DISP1: variants seen among roughly 807,000 people sequenced by gnomAD.
DISP1 encodes dispatched RND transporter family member 1, also known as protein dispatched homolog 1.
In DISP1, 30 loss-of-function variants were observed where a neutral mutation model predicts 37.3. The ratio of observed to expected loss-of-function variants is 0.80; its 90% confidence interval spans 0.60 to 1.09. The LOEUF (loss-of-function observed/expected upper bound fraction) is 1.09. Ranked by LOEUF, DISP1 falls within the 50% of genes least tolerant of loss-of-function variation. The probability of loss-of-function intolerance (pLI) is 0.00; values close to 1 mark genes in which losing one functional copy is unlikely to be tolerated. For missense variants in DISP1, 1,598 were observed against 1,879.5 expected, an observed-to-expected ratio of 0.85 and a Z score of 2.77; for synonymous variants, 634 against 690.2, an observed-to-expected ratio of 0.92 and a Z score of 1.28.
chr1:223,004,115 T>C lies in DISP1; in HGVS notation c.2718T>C (p.Asp906=), dbSNP rs780923401. The C allele has an allele frequency of 1.5e-5, 25 of 1,614,162 alleles. No individual in the cohort carries two copies. Among genetic ancestry groups the C allele is most frequent in the South Asian group, 1.1e-5 (1 of 91,076 alleles). Residue 906 remains aspartate, a synonymous_variant, in exon 9 of 9, where the codon GAT becomes GAC. Coordinates refer to ENST00000675850, the MANE Select transcript of DISP1 (RefSeq NM_001377229.1). The surrounding 1 kb of genome is among the most constrained non-coding windows in gnomAD (Gnocchi z 4.9). ...ELERSTGYHL[D]SKTPGPRFDI... ...AAAGGAGTACAGGGTACCATTTGGATAGCAAAACCCCAGGGCCGAGGTTTG... is the reference window on the plus strand; with the variant it reads ...AAAGGAGTACAGGGTACCATTTGGACAGCAAAACCCCAGGGCCGAGGTTTG...
intron 4 of DISP1, among the ~76,000 whole-genome samples, chr1:222,987,854 A>G (rs1376185507): frequency 1.1e-4 from 16 of 152,170 alleles, no homozygotes; most frequent in Admixed American, 1.0e-3. Context: ...CACAGGGCTG[A>G]TATTTTAATG....
intron 1 of DISP1, among the ~76,000 whole-genome samples, chr1:222,872,806 C>T (rs921247910): frequency 6.6e-6 from 1 of 152,014 alleles, no homozygotes; most frequent in African/African-American, 2.4e-5. Flanking sequence ...TATTTCTTGC[C>T]TTCTGCTAGC....
intron 1 of DISP1, among the ~76,000 whole-genome samples, chr1:222,855,567 C>T (rs965670825): frequency 6.6e-6 from 1 of 152,138 alleles, no homozygotes; most frequent in African/African-American, 2.4e-5. Context: ...TGCCACCATA[C>T]TTCTTAAGTC....
At chr1:222,983,406 C>T (rs944077142) in intron 4 of DISP1, among the ~76,000 whole-genome samples, 2 of 151,998 alleles carry the variant, frequency 1.3e-5, no homozygotes, top group African/African-American at 4.8e-5. Context: ...CACCTGAGGT[C>T]GGGAGTTCGG....
chr1:222,886,448 T>C (rs1670607529), intron 1 of DISP1, among the ~76,000 whole-genome samples: 1 of 152,230 alleles, frequency 6.6e-6, no homozygotes, highest in South Asian at 2.1e-4. Flanking sequence ...GCCAAACTTA[T>C]TTTCAGATAA....
intron 1 of DISP1, among the ~76,000 whole-genome samples, chr1:222,850,011 CTT>C (rs1668133098): frequency 6.6e-6 from 1 of 152,118 alleles, no homozygotes; most frequent in African/African-American, 2.4e-5. Flanking sequence ...TAAATCCTAA[CTT>C]TGTCACTTTC....
intron 3 of DISP1, among the ~76,000 whole-genome samples, chr1:222,982,325 G>A (rs2102696942): frequency 6.6e-6 from 1 of 152,352 alleles, no homozygotes; most frequent in Middle Eastern, 3.4e-3. Context: ...GGAACTCCCA[G>A]CTGTCTTTAG....
chr1:222,846,855 A>G (rs1387574896), intron 1 of DISP1, among the ~76,000 whole-genome samples: 1 of 152,242 alleles, frequency 6.6e-6, no homozygotes, highest in African/African-American at 2.4e-5. Context: ...TAGTGAAAAC[A>G]TTTTTTGTTT....
chr1:222,900,402 G>A (rs1317552245), intron 1 of DISP1, among the ~76,000 whole-genome samples: 4 of 152,160 alleles, frequency 2.6e-5, no homozygotes, highest in Admixed American at 2.6e-4. Context: ...AATTTGGATT[G>A]TCTATGTCAG....
chr1:222,953,215 CAGTAGCT>C (rs1675355338), intron 3 of DISP1, among the ~76,000 whole-genome samples: 1 of 152,138 alleles, frequency 6.6e-6, no homozygotes, highest in Non-Finnish European at 1.5e-5. Flanking sequence ...ATGGGAGTAA[CAGTAGCT>C]ATTTTGCACT....
At chr1:222,983,862 A>T (rs1178622194) in intron 4 of DISP1, among the ~76,000 whole-genome samples, 1 of 152,146 alleles carries the variant, frequency 6.6e-6, no homozygotes, top group Non-Finnish European at 1.5e-5. Flanking sequence ...TTAACTTGAT[A>T]AGAGTTCCTA....
rs1480537105 is a variant in DISP1, at chr1:223,002,861, G to A, written c.1464G>A (p.Glu488=). Residue 488 remains glutamate (E), a synonymous_variant, in exon 9 of 9, where the codon GAG becomes GAA. Transcript: ENST00000675850. ...SDGVTTITGI[E]FGIKHSLFQD... ...GCGTGACTACCATCACCGGGATTGA[G>A]TTTGGTATCAAACACAGTTTGTTTC... The A allele has an allele frequency of 3.7e-6, 6 of 1,613,840 alleles. No homozygotes were observed. Among genetic ancestry groups the A allele is most frequent in the Non-Finnish European group, 5.1e-6 (6 of 1,180,050 alleles).
intron 5 of DISP1, 128 bp from the exon 6 acceptor site, chr1:222,991,392 T>A (rs995836044): frequency 1.8e-6 from 2 of 1,120,824 alleles, no homozygotes; most frequent in African/African-American, 3.1e-5. Context: ...CTGGAGTAGC[T>A]GTGAGGAACA....
intron 1 of DISP1, among the ~76,000 whole-genome samples, chr1:222,872,937 T>G (rs145773937): frequency 0.04 from 6,109 of 152,330 alleles, 137 homozygotes; most frequent in Middle Eastern, 0.088. Flanking sequence ...CTCTACACAC[T>G]GCTTTGAATG....
chr1:222,985,761 G>T (rs888600383), intron 4 of DISP1, among the ~76,000 whole-genome samples: 2 of 152,216 alleles, frequency 1.3e-5, no homozygotes, highest in African/African-American at 4.8e-5. Context: ...CTGAGGGCAA[G>T]ATCCAAGTCT....
intron 1 of DISP1, among the ~76,000 whole-genome samples, chr1:222,840,122 A>G (rs1667499300): frequency 6.6e-6 from 1 of 152,336 alleles, no homozygotes; most frequent in South Asian, 2.1e-4. Flanking sequence ...GAATGGTCAT[A>G]TGGGTACCAA....
chr1:222,886,190 T>C lies in DISP1; in HGVS notation c.-158-42240T>C, dbSNP rs565949713. ...CAAATTCCTTTTATACTTCTACATT[T>C]TTCTGATGCTGATGGCAAAGAGAGG... On this transcript the variant is annotated intron_variant, in intron 1 of 8. Transcript: ENST00000675850. 2.6e-5 allele frequency among the ~76,000 whole-genome samples: 4 copies of C among 152,314 alleles called. No individual in the cohort carries two copies. The East Asian group carries it at 7.7e-4, about 29-fold the overall frequency.
chr1:222,947,025 A>T (rs755741196), intron 3 of DISP1, among the ~76,000 whole-genome samples: 1 of 152,230 alleles, frequency 6.6e-6, no homozygotes, highest in Non-Finnish European at 1.5e-5. Flanking sequence ...TGAAATATAC[A>T]TAACATAAAA....
In DISP1 at chr1:223,002,618, C is replaced by A. The variant is rs766466751; in HGVS notation, c.1221C>A (p.Asp407Glu). ...DCWDMAARRK[D>E]QLKCTNVPRK... ...GGGACATGGCAGCCAGAAGAAAGGA[C>A]CAGCTCAAGTGCACCAATGTGCCAC... Residue 407 changes from aspartate (D) to glutamate (E), a missense_variant, in exon 9 of 9, where the codon GAC (aspartate) becomes GAA (glutamate). Transcript: ENST00000675850. The A allele has an allele frequency of 1.2e-6, 2 of 1,614,172 alleles. No homozygotes were observed. The highest frequency in any genetic ancestry group is 3.3e-5 in the Admixed American group (2 of 60,024).
Sources: gnomAD v4.1 joint callset for allele counts (sites outside exome capture counted in the v4.1 genomes callset) on GRCh38, gnomAD v4.1.1 for gene constraint, Gnocchi (gnomAD v3.1) non-coding constraint, MANE v1.5 for transcripts, NCBI Gene and HGNC (gene_info 2026-07-23, HGNC 2026-07-21) for gene names.